Variants in CHD7 observed in about 807,000 individuals in gnomAD.
The protein encoded by CHD7 is ATP-dependent chromatin remodeler CHD7.
Under a neutral mutation model 307.3 loss-of-function variants are expected in CHD7, and 24 were observed. That is an observed-to-expected ratio of 0.08 (90% CI 0.06 to 0.11). The LOEUF is 0.11. Among genes scored for constraint, CHD7 ranks in the 10% least tolerant of loss-of-function variants. The pLI is 1.00. For missense variants in CHD7, 3,106 were observed against 3,727.1 expected (o/e 0.83, Z 4.34); for synonymous variants, 1,363 against 1,349.9 (o/e 1.01, Z -0.21).
At chr8:60,743,231 C>T in intron 2 of CHD7, 134 bp downstream of exon 2, 3 of 771,006 alleles carry the variant, frequency 3.9e-6, no homozygotes, top group South Asian at 1.5e-5. Flanking sequence ...TTGTTATTGG[C>T]TTATGCATTT....
chr8:60,754,686 A>C (rs1809799539), intron 2 of CHD7, among the ~76,000 whole-genome samples: 1 of 152,358 alleles, frequency 6.6e-6, no homozygotes, highest in African/African-American at 2.4e-5. Flanking sequence ...ATATTACTGT[A>C]TATAAAATAC....
rs1805510481 is a variant in CHD7, at chr8:60,852,769, G to A, written c.6104-60G>A. The A allele has an allele frequency of 2.5e-6, 4 of 1,609,850 alleles. No homozygotes were observed. In the Admixed American group the frequency reaches 5.0e-5, roughly 20 times the overall value. On this transcript the variant is annotated intron_variant, in intron 30 of 37. Coordinates refer to ENST00000423902, the MANE Select transcript of CHD7 (RefSeq NM_017780.4). ...CGAGTAAAGTGAAAAATAAGAAAGT[G>A]TACAATGTAGAATGCCCTTGAATTC...
chr8:60,851,565 A>G (rs1323461694), intron 28 of CHD7, among the ~76,000 whole-genome samples: 5 of 152,278 alleles, frequency 3.3e-5, no homozygotes. Flanking sequence ...TAATTAGTGA[A>G]AAATTTTAAG....
intron 2 of CHD7, among the ~76,000 whole-genome samples, chr8:60,763,900 T>C (rs1810344839): frequency 6.6e-6 from 1 of 152,144 alleles, no homozygotes; most frequent in Non-Finnish European, 1.5e-5. Flanking sequence ...TGGGCTGTGG[T>C]CAGAGAGGAA....
intron 1 of CHD7, among the ~76,000 whole-genome samples, chr8:60,728,306 TG>T (rs1446978810): frequency 6.6e-6 from 1 of 152,210 alleles, no homozygotes; most frequent in Admixed American, 6.5e-5. Context: ...AGCGGAGAGA[TG>T]GAAGATGCTT....
chr8:60,835,903 C>T (rs1468688214), intron 15 of CHD7, among the ~76,000 whole-genome samples, 170 bp from the exon 16 acceptor site: 1 of 152,162 alleles, frequency 6.6e-6, no homozygotes, highest in Non-Finnish European at 1.5e-5. Context: ...TTTTGTACAT[C>T]CACAGTTTTG....
chr8:60,743,665 G>T (rs1189322022), intron 2 of CHD7, among the ~76,000 whole-genome samples: 7 of 152,096 alleles, frequency 4.6e-5, no homozygotes, highest in Admixed American at 4.6e-4. Context: ...GAAGATGTTT[G>T]GTCTCTAAAA....
At chr8:60,723,804 CTTG>C (rs1808033605) in intron 1 of CHD7, among the ~76,000 whole-genome samples, 2 of 152,276 alleles carry the variant, frequency 1.3e-5, no homozygotes, top group Admixed American at 1.3e-4. Flanking sequence ...GCCTCAAATG[CTTG>C]TTAAGTTTTC....
At chr8:60,773,909 G>C (rs573875632) in intron 2 of CHD7, among the ~76,000 whole-genome samples, 2 of 152,114 alleles carry the variant, frequency 1.3e-5, no homozygotes, top group Admixed American at 1.3e-4. Flanking sequence ...CTTTAGTTCG[G>C]AACTAAACTA....
At chr8:60,767,076 G>A (rs1326249523) in intron 2 of CHD7, among the ~76,000 whole-genome samples, 1 of 152,224 alleles carries the variant, frequency 6.6e-6, no homozygotes, top group African/African-American at 2.4e-5. Flanking sequence ...GCGAAGAAGC[G>A]AGGAGTGAGC....
chr8:60,813,143 G>C (rs887297481), intron 7 of CHD7, among the ~76,000 whole-genome samples: 7 of 152,066 alleles, frequency 4.6e-5, no homozygotes, highest in Non-Finnish European at 1.0e-4. Flanking sequence ...TTATTGCTAA[G>C]TATTTTATCT....
chr8:60,770,704 T>C (rs964748804), intron 2 of CHD7, among the ~76,000 whole-genome samples: 13 of 152,322 alleles, frequency 8.5e-5, no homozygotes, highest in African/African-American at 3.1e-4. Context: ...ATTTACATGG[T>C]AGTTAACTAT....
rs1053875389 is a variant in CHD7, at chr8:60,853,295, A to G, written c.6570A>G (p.Lys2190=). ...NPAAKEKCEG[K]EEEEETDGSG... is the part of the protein sequence containing the mutation. ...CTGCCAAGGAGAAATGTGAGGGCAA[A>G]GAAGAGGAAGAAGAAACCGATGGCA... The change falls in exon 31 of 38, where the codon AAA becomes AAG. Residue 2190 remains lysine, a synonymous_variant. Coordinates refer to ENST00000423902, the MANE Select transcript of CHD7 (RefSeq NM_017780.4). 8 of 1,607,006 alleles carry G rather than the reference A, an allele frequency of 5.0e-6. No individual in the cohort carries two copies. The highest frequency in any genetic ancestry group is 2.7e-5 in the African/African-American group (2 of 74,474).
rs77289071 is a variant in CHD7 at position 60,717,122 on chromosome 8, T to G, written c.-174-24137T>G. The stretch of plus-strand genomic sequence containing the variant: ...CATCTGGGTACGTAATGTTCATTTG[T>G]CCCGTTTACTGGTGATACGTACTTT... On this transcript the variant is annotated intron_variant, in intron 1 of 37. Coordinates refer to ENST00000423902, the MANE Select transcript of CHD7 (RefSeq NM_017780.4). 2.2e-4 allele frequency among the ~76,000 whole-genome samples: 33 copies of G among 151,916 alleles called. 1 individual carries two copies. The East Asian group carries it at 6.4e-3, about 29-fold the overall frequency.
rs570210786 is a variant in CHD7, at chr8:60,745,104, C to CA, written c.1665+2007_1665+2008insA. 2.8e-4 allele frequency among the ~76,000 whole-genome samples: 43 copies of CA among 152,014 alleles called. 2 individuals are homozygous for CA. In the East Asian group the frequency reaches 5.9e-3, roughly 21 times the overall value. ...ATAACCTCAGGGCAGAACGCCTCTC[C>CA]TCAAAGCGGACCAAAAGTACTGTCT... On this transcript the variant is annotated intron_variant, in intron 2 of 37. Transcript: ENST00000423902.
intron 2 of CHD7, among the ~76,000 whole-genome samples, chr8:60,744,478 ATTTTTTTTTT>A (rs569101482): frequency 3.0e-5 from 2 of 66,686 alleles, no homozygotes; most frequent in East Asian, 5.0e-4. Flanking sequence ...TCAGAGCAGC[ATTTTTTTTTT>A]TTTTTTTTTT....
intron 1 of CHD7, among the ~76,000 whole-genome samples, chr8:60,705,151 A>G (rs112730329): frequency 4.6e-5 from 7 of 152,308 alleles, no homozygotes; most frequent in African/African-American, 9.6e-5. Context: ...AAAGGTAGAT[A>G]AGTGTGGAGT....
At position 60,815,765 on chromosome 8, in the gene CHD7, G is replaced by A. The variant is rs534252601; in HGVS notation, c.2499-622G>A. ...GAGACCAGGAACTGATAAGAAGCTG[G>A]TGAGGGGCATGGCCCAGTGTTCCAG... On this transcript the variant is annotated intron_variant, in intron 7 of 37. Transcript: ENST00000423902. 1.5e-4 allele frequency among the ~76,000 whole-genome samples: 23 copies of A among 152,302 alleles called. 1 individual carries two copies. In the South Asian group the frequency reaches 4.6e-3, roughly 30 times the overall value.
intron 24 of CHD7, 57 bp from the exon 25 acceptor site, chr8:60,848,994 T>C: frequency 1.5e-6 from 2 of 1,337,080 alleles, no homozygotes; most frequent in East Asian, 2.3e-5. Flanking sequence ...ATGTATCACA[T>C]TCATTACTTG....
Sources: allele counts gnomAD v4.1 joint callset (sites outside exome capture counted in the v4.1 genomes callset), GRCh38; gene constraint gnomAD v4.1.1; transcripts MANE v1.5; gene names NCBI Gene and HGNC (gene_info 2026-07-23, HGNC 2026-07-21).